The following MTREX variants were observed in gnomAD, a reference collection of about 807,000 sequenced individuals.
The protein encoded by MTREX is exosome RNA helicase MTR4.
MTREX carries 76 observed loss-of-function variants against 135.4 expected under a neutral mutation model. The observed-to-expected ratio is 0.56, with a 90% CI of 0.47 to 0.68. The LOEUF is 0.68. MTREX is among the 30% of genes least tolerant of loss of function. The pLI is 0.00. For synonymous variants in MTREX, 404 were observed against 401.6 expected, an observed-to-expected ratio of 1.01 and a Z score of -0.07; for missense variants, 920 against 1,262.1, an observed-to-expected ratio of 0.73 and a Z score of 4.11.
chr5:55,371,379 C>G (rs1750194389), intron 16 of MTREX, among the ~76,000 whole-genome samples: 1 of 152,128 alleles, frequency 6.6e-6, no homozygotes, highest in African/African-American at 2.4e-5. Context: ...CTATTGTATA[C>G]ACTGTTATAC....
At chr5:55,340,623 G>C (rs566341934) in intron 6 of MTREX, among the ~76,000 whole-genome samples, 2 of 151,810 alleles carry the variant, frequency 1.3e-5, no homozygotes, top group African/African-American at 4.8e-5. Flanking sequence ...GTTCTGTCTC[G>C]CAGGCTGGAG....
intron 25 of MTREX, among the ~76,000 whole-genome samples, chr5:55,422,273 A>G (rs978053631): frequency 3.3e-5 from 5 of 152,230 alleles, no homozygotes; most frequent in African/African-American, 7.2e-5. Context: ...TTCTAGACCC[A>G]TGGGAAAAGG....
At chr5:55,345,223 A>T in intron 10 of MTREX, 27 bp downstream of exon 10, 1 of 1,403,384 alleles carries the variant, frequency 7.1e-7, no homozygotes. Context: ...CTTTGAGAGA[A>T]TTTTACATGT....
chr5:55,352,276 A>G (rs2112071089), intron 13 of MTREX, among the ~76,000 whole-genome samples: 1 of 152,310 alleles, frequency 6.6e-6, no homozygotes, highest in Admixed American at 6.5e-5. Context: ...AGATAAATTT[A>G]CTTATCTTGA....
intron 19 of MTREX, 36 bp downstream of exon 19, chr5:55,388,138 A>G: frequency 6.4e-7 from 1 of 1,564,816 alleles, no homozygotes; most frequent in East Asian, 2.3e-5. Context: ...GATTTCAGAT[A>G]TTCTGTAACT....
At chr5:55,358,414 C>T (rs1346942359) in intron 14 of MTREX, among the ~76,000 whole-genome samples, 159 bp from the exon 15 acceptor site, 1 of 152,080 alleles carries the variant, frequency 6.6e-6, no homozygotes, top group African/African-American at 2.4e-5. Flanking sequence ...CATTTTTGTG[C>T]TTTGACTTTA....
At position 55,415,955 on chromosome 5, in the gene MTREX, C is replaced by A. The variant is rs371168125; in HGVS notation, c.2809-15C>A. ...AGATCATAAGTAAGGAATTTTAACT[C>A]TTTTATCTTTAAAGGAATGTGCTAA... On this transcript the variant is annotated splice_polypyrimidine_tract_variant and intron_variant, in intron 24 of 26. Coordinates refer to ENST00000230640, the MANE Select transcript of MTREX (RefSeq NM_015360.5). The A allele has an allele frequency of 3.1e-5, 49 of 1,563,852 alleles. No homozygotes were observed. Among genetic ancestry groups the A allele is most frequent in the Non-Finnish European group, 4.1e-5 (47 of 1,158,674 alleles).
chr5:55,424,861 C>A lies in MTREX; in HGVS notation c.*89C>A. 1 of 909,356 alleles carries A rather than the reference C, an allele frequency of 1.1e-6. No homozygotes were observed. Among genetic ancestry groups the A allele is most frequent in the South Asian group, 1.4e-5 (1 of 70,510 alleles). 56.3% of individuals were successfully genotyped at this position (909,356 alleles called of 1,614,324 possible). ...AATGCCTGCAAGTGTGGATTTGGTT[C>A]TCCCATACATTTTAATATGTATTAT... On this transcript the variant is annotated 3_prime_UTR_variant, in exon 27 of 27. Coordinates refer to ENST00000230640, the MANE Select transcript of MTREX (RefSeq NM_015360.5).
chr5:55,406,851 G>A (rs1414682574), intron 22 of MTREX, among the ~76,000 whole-genome samples: 1 of 152,232 alleles, frequency 6.6e-6, no homozygotes, highest in Non-Finnish European at 1.5e-5. Flanking sequence ...AGATGCTGTT[G>A]TGGCCATCTT....
At chr5:55,327,453 A>G (rs1016371258) in intron 3 of MTREX, 4 of 342,470 alleles carry the variant, frequency 1.2e-5, no homozygotes, top group Non-Finnish European at 2.2e-5. Flanking sequence ...TAAAAAGTAC[A>G]CAGTTTCCTC....
At chr5:55,356,357 C>T (rs747263870) in intron 14 of MTREX, 1 of 162,910 alleles carries the variant, frequency 6.1e-6, no homozygotes, top group African/African-American at 2.4e-5. Flanking sequence ...GCAGCTCACG[C>T]TCTTGCATGT....
At chr5:55,349,692 A>G (rs1334980059) in intron 12 of MTREX, 40 bp downstream of exon 12, 3 of 1,032,358 alleles carry the variant, frequency 2.9e-6, no homozygotes, top group Middle Eastern at 2.7e-4. Flanking sequence ...GTAGATAATA[A>G]TAGATTGCAT....
chr5:55,398,645 AT>A (rs1333516907), intron 20 of MTREX, among the ~76,000 whole-genome samples: 1 of 152,218 alleles, frequency 6.6e-6, no homozygotes, highest in East Asian at 1.9e-4. Context: ...TAATGCCATT[AT>A]TTTGAAAAAA....
At chr5:55,361,088 A>G (rs1371698988) in intron 15 of MTREX, among the ~76,000 whole-genome samples, 1 of 152,246 alleles carries the variant, frequency 6.6e-6, no homozygotes, top group Non-Finnish European at 1.5e-5. Flanking sequence ...TTTAAACACT[A>G]TTTGACATGA....
intron 11 of MTREX, among the ~76,000 whole-genome samples, chr5:55,348,659 A>T (rs974945042): frequency 6.6e-6 from 1 of 152,222 alleles, no homozygotes; most frequent in Admixed American, 6.5e-5. Flanking sequence ...CAGATAGCTG[A>T]CATAGCCTTC....
rs1751077605 is a variant in MTREX, at chr5:55,422,947, T to C, written c.3041T>C (p.Ile1014Thr). Residue 1014 changes from isoleucine (I) to threonine (T), a missense_variant, in exon 26 of 27, where the codon ATT (isoleucine) becomes ACT (threonine). Ile to Thr is a moderately conservative substitution (Grantham distance 89, BLOSUM62 -1). Coordinates refer to ENST00000230640, the MANE Select transcript of MTREX (RefSeq NM_015360.5). Reference sequence around the variant, plus strand: ...CAAATGTGTCAAGCAGCAAAAGCCATTGGAAACACTGAGCTGGAAAATAAA... The same window carrying C: ...CAAATGTGTCAAGCAGCAAAAGCCACTGGAAACACTGAGCTGGAAAATAAA... ...LRQMCQAAKA[I>T]GNTELENKFA... The C allele has an allele frequency of 1.2e-6, 2 of 1,614,106 alleles. No homozygotes were observed. Among genetic ancestry groups the C allele is most frequent in the East Asian group, 2.2e-5 (1 of 44,886 alleles).
intron 7 of MTREX, among the ~76,000 whole-genome samples, chr5:55,342,883 C>T (rs1388582521): frequency 6.6e-6 from 1 of 152,128 alleles, no homozygotes; most frequent in East Asian, 1.9e-4. Flanking sequence ...ACGGTTTTAT[C>T]TTTCATCAAG....
At position 55,414,175 on chromosome 5, in the gene MTREX, T is replaced by C; in HGVS notation, c.2752-7T>C. ...TTTTTATATCTTGTTTTCCTTTTCT[T>C]TTATAGTCTAGTGAGATGCCCAAAT... is the stretch of plus-strand genomic sequence containing the variant. On this transcript the variant is annotated splice_region_variant and splice_polypyrimidine_tract_variant and intron_variant, in intron 23 of 26. Transcript: ENST00000230640. 3 of 1,551,790 alleles carry C rather than the reference T, an allele frequency of 1.9e-6. No homozygotes were observed. The highest frequency in any genetic ancestry group is 1.7e-4 in the Middle Eastern group (1 of 5,776).
At chr5:55,377,998 C>CA (rs56851771) in intron 16 of MTREX, among the ~76,000 whole-genome samples, 18,737 of 134,656 alleles carry the variant, frequency 0.14, 1,324 homozygotes, top group East Asian at 0.25. Context: ...CGGAAAGGTG[C>CA]AAAAAAAAAA....
Sources: allele counts gnomAD v4.1 joint callset (sites outside exome capture counted in the v4.1 genomes callset), GRCh38; gene constraint gnomAD v4.1.1; transcripts MANE v1.5; gene names NCBI Gene and HGNC (gene_info 2026-07-23, HGNC 2026-07-21).